The following PDE3B variants were observed in gnomAD, a reference collection of about 807,000 sequenced individuals.
PDE3B encodes the protein phosphodiesterase 3B.
PDE3B carries 66 observed loss-of-function variants against 116.8 expected under a neutral mutation model. The ratio of observed to expected loss-of-function variants is 0.56; its 90% CI spans 0.46 to 0.69. PDE3B has a LOEUF of 0.69. Ranked by LOEUF, PDE3B falls within the 30% of genes least tolerant of loss-of-function variation. The pLI is 0.00. For synonymous variants in PDE3B, 595 were observed against 533.6 expected (o/e 1.12, Z -1.59); for missense variants, 1,384 against 1,368.1 (o/e 1.01, Z -0.18).
intron 1 of PDE3B, among the ~76,000 whole-genome samples, chr11:14,750,800 G>A (rs1218386844): frequency 6.6e-6 from 1 of 151,990 alleles, no homozygotes; most frequent in Non-Finnish European, 1.5e-5. Flanking sequence ...ACATTTTATG[G>A]GTGTGGCCCA....
chr11:14,789,150 C>T lies in PDE3B; in HGVS notation c.1323C>T (p.Ser441=). The T allele has an allele frequency of 1.9e-6, 3 of 1,610,704 alleles. No homozygotes were observed. The change falls in exon 4 of 16, where the codon AGC becomes AGT. Residue 441 remains serine (S), a synonymous_variant. Coordinates refer to ENST00000282096, the MANE Select transcript of PDE3B (RefSeq NM_000922.4). Reference sequence around the variant, plus strand: ...TGCCAACTCCACAGCTGAGGAGAAGCTCAGGAACTTCAGGATTGCTACCTG... The same window carrying T: ...TGCCAACTCCACAGCTGAGGAGAAGTTCAGGAACTTCAGGATTGCTACCTG... ...NSLPTPQLRR[S]SGTSGLLPVE...
chr11:14,895,976 G>C, the PDE3B span, among the ~76,000 whole-genome samples: 1 of 152,218 alleles, frequency 6.6e-6, no homozygotes, highest in Non-Finnish European at 1.5e-5. Flanking sequence ...GGATGCAGAA[G>C]GGGAAAGGAA....
At chr11:14,760,286 A>G (rs903667891) in intron 1 of PDE3B, among the ~76,000 whole-genome samples, 1 of 152,194 alleles carries the variant, frequency 6.6e-6, no homozygotes, top group African/African-American at 2.4e-5. Context: ...AGATTCTATA[A>G]CCAAAATTTC....
At chr11:14,836,501 T>TCTC (rs1270568088) in intron 11 of PDE3B, among the ~76,000 whole-genome samples, 1 of 152,174 alleles carries the variant, frequency 6.6e-6, no homozygotes, top group African/African-American at 2.4e-5. Flanking sequence ...AAATTCAGCC[T>TCTC]CTCCATTGTC....
chr11:14,678,570 G>A (rs1363239295), intron 1 of PDE3B, among the ~76,000 whole-genome samples: 1 of 151,972 alleles, frequency 6.6e-6, no homozygotes, highest in Non-Finnish European at 1.5e-5. Flanking sequence ...ATTTAAATTT[G>A]CATTTCGTTA....
chr11:14,661,899 C>T (rs865879413), intron 1 of PDE3B, among the ~76,000 whole-genome samples: 10 of 152,134 alleles, frequency 6.6e-5, no homozygotes, highest in Admixed American at 4.6e-4. Context: ...AACAAAAAGA[C>T]GCAGTAACCT....
rs893319275 is a variant in PDE3B at position 14,764,793 on chromosome 11, A to G, written c.979-7144A>G. Among the ~76,000 whole-genome samples the G allele has an allele frequency of 4.6e-5, 7 of 152,018 alleles. No homozygotes were observed. The East Asian group carries it at 9.6e-4, about 21-fold the overall frequency. ...TGCAGTTTAAGTTACCATGACCATC[A>G]TAATATTATATGACTAGAAAGAATA... On this transcript the variant is annotated intron_variant, in intron 1 of 15. Transcript: ENST00000282096.
At chr11:14,812,638 T>A (rs879283526) in intron 5 of PDE3B, among the ~76,000 whole-genome samples, 1 of 152,108 alleles carries the variant, frequency 6.6e-6, no homozygotes, top group Non-Finnish European at 1.5e-5. Flanking sequence ...TGATAAAAAA[T>A]CTGAAGAGTC....
At chr11:14,895,249 T>G in the PDE3B span, among the ~76,000 whole-genome samples, 1 of 152,226 alleles carries the variant, frequency 6.6e-6, no homozygotes. Context: ...TTATGTGCAT[T>G]CTCAGTGTGT....
At chr11:14,804,346 C>A (rs1858856260) in intron 5 of PDE3B, among the ~76,000 whole-genome samples, 1 of 151,142 alleles carries the variant, frequency 6.6e-6, no homozygotes. Context: ...AAGGGAAAAT[C>A]TTCAAGAAAG....
intron 12 of PDE3B, among the ~76,000 whole-genome samples, chr11:14,846,202 A>G (rs984616219): frequency 6.6e-6 from 1 of 152,246 alleles, no homozygotes; most frequent in Non-Finnish European, 1.5e-5. Context: ...CTTAAAGAAA[A>G]GAATTTTCAA....
chr11:14,816,045 A>G (rs145725438), intron 5 of PDE3B, among the ~76,000 whole-genome samples: 118 of 152,222 alleles, frequency 7.8e-4, no homozygotes, highest in African/African-American at 2.3e-3. Context: ...GCAAGCAAGT[A>G]GGAAGTTTTC....
At position 14,789,094 on chromosome 11, in the gene PDE3B, A is replaced by G; in HGVS notation, c.1279-12A>G. ...GAGTGACATTTTAAACCATTGTTAAATTATTCAACAGGGACTAAATAGGAA... is the reference window on the plus strand; with the variant it reads ...GAGTGACATTTTAAACCATTGTTAAGTTATTCAACAGGGACTAAATAGGAA... On this transcript the variant is annotated splice_polypyrimidine_tract_variant and intron_variant, in intron 3 of 15. Transcript: ENST00000282096. The G allele has an allele frequency of 6.3e-7, 1 of 1,589,148 alleles. No individual in the cohort carries two copies. Among genetic ancestry groups the G allele is most frequent in the Non-Finnish European group, 8.6e-7 (1 of 1,169,380 alleles).
At chr11:14,652,921 T>G (rs923306482) in intron 1 of PDE3B, among the ~76,000 whole-genome samples, 16 of 152,214 alleles carry the variant, frequency 1.1e-4, no homozygotes, top group Non-Finnish European at 2.1e-4. Flanking sequence ...AAATGGGATA[T>G]CTTTTGATTT....
intron 12 of PDE3B, among the ~76,000 whole-genome samples, chr11:14,856,744 C>T (rs1847857814): frequency 6.6e-6 from 1 of 151,866 alleles, no homozygotes; most frequent in Admixed American, 6.6e-5. Flanking sequence ...GTCCCAGCTA[C>T]TCGGGAGGCT....
At chr11:14,809,244 A>G (rs1179823376) in intron 5 of PDE3B, among the ~76,000 whole-genome samples, 1 of 152,230 alleles carries the variant, frequency 6.6e-6, no homozygotes, top group South Asian at 2.1e-4. Context: ...ATATATATCC[A>G]AGAGAAGTGA....
At chr11:14,652,418 A>T (rs948328265) in intron 1 of PDE3B, among the ~76,000 whole-genome samples, 2 of 152,042 alleles carry the variant, frequency 1.3e-5, no homozygotes, top group Non-Finnish European at 2.9e-5. Flanking sequence ...GAAGTTTGAG[A>T]CCTCAAACTT....
chr11:14,766,032 T>G (rs1057395047), intron 1 of PDE3B, among the ~76,000 whole-genome samples: 3 of 151,660 alleles, frequency 2.0e-5, no homozygotes, highest in African/African-American at 7.2e-5. Flanking sequence ...AGTTTTAATA[T>G]ACATGTACCG....
intron 4 of PDE3B, among the ~76,000 whole-genome samples, chr11:14,801,150 T>G (rs1040982832): frequency 1.3e-5 from 2 of 152,210 alleles, no homozygotes; most frequent in Non-Finnish European, 2.9e-5. Flanking sequence ...GAAGCCTACT[T>G]CTGTCAGTTC....
Sources: allele counts gnomAD v4.1 joint callset (sites outside exome capture counted in the v4.1 genomes callset), GRCh38; gene constraint gnomAD v4.1.1; transcripts MANE v1.5; gene names NCBI Gene and HGNC (gene_info 2026-07-23, HGNC 2026-07-21).